SLCO3A1: variants seen among roughly 807,000 people sequenced by gnomAD.
The protein encoded by SLCO3A1 is solute carrier organic anion transporter family member 3A1, also known as PGE1 transporter.
A neutral mutation model predicts 63.1 loss-of-function variants in SLCO3A1; 27 were observed. The ratio of observed to expected loss-of-function variants is 0.43; its 90% CI spans 0.32 to 0.59. The LOEUF (loss-of-function observed/expected upper bound fraction) is 0.59. SLCO3A1 is among the 20% of genes least tolerant of loss of function. The pLI, the probability that SLCO3A1 is intolerant of heterozygous loss-of-function variation, is 0.09. For synonymous variants in SLCO3A1, 473 were observed against 409.9 expected (o/e 1.15, Z -1.86); for missense variants, 773 against 945.8 (o/e 0.82, Z 2.40).
intron 2 of SLCO3A1, among the ~76,000 whole-genome samples, chr15:92,023,572 G>A (rs377257056): frequency 6.1e-4 from 92 of 152,008 alleles, no homozygotes; most frequent in African/African-American, 1.7e-3. Context: ...GGGTTCAGGC[G>A]ATTATCCTGC....
At chr15:92,049,235 G>A (rs1365804661) in intron 2 of SLCO3A1, among the ~76,000 whole-genome samples, 1 of 152,116 alleles carries the variant, frequency 6.6e-6, no homozygotes, top group Non-Finnish European at 1.5e-5. Context: ...TACCCTCCCT[G>A]CTTTAGCTTC....
intron 7 of SLCO3A1, among the ~76,000 whole-genome samples, chr15:92,144,896 G>C (rs1174293583): frequency 6.6e-6 from 1 of 152,186 alleles, no homozygotes; most frequent in Non-Finnish European, 1.5e-5. Flanking sequence ...ATTTGGGAGA[G>C]ATGTGATCAA....
At position 92,164,995 on chromosome 15, in the gene SLCO3A1, C is replaced by A; in HGVS notation, c.*1860C>A. On this transcript the variant is annotated 3_prime_UTR_variant, in exon 10 of 10. Transcript: ENST00000318445. Reference sequence around the variant, plus strand: ...GATTGGTTTGCTTTTTCACCTTGGACACATTTGCATTTTACCCACAAGGCA... The same window carrying A: ...GATTGGTTTGCTTTTTCACCTTGGAAACATTTGCATTTTACCCACAAGGCA... 1.0e-6 allele frequency: 1 copy of A among 985,336 alleles called. No homozygotes were observed. The highest frequency in any genetic ancestry group is 1.2e-6 in the Non-Finnish European group (1 of 829,910). 61.0% of individuals were successfully genotyped at this position (985,336 alleles called of 1,614,324 possible). A position where few individuals can be genotyped will look rare whatever the true frequency, so the allele number is the denominator to read the frequency against.
At chr15:92,082,226 A>G (rs1026639817) in intron 2 of SLCO3A1, among the ~76,000 whole-genome samples, 1 of 152,174 alleles carries the variant, frequency 6.6e-6, no homozygotes, top group African/African-American at 2.4e-5. Context: ...TTTATGGATC[A>G]TGTTTTATTC....
Position 92,033,911 on chromosome 15 carries a change from C to T in SLCO3A1, c.647-60970C>T, listed in dbSNP as rs764121731. On this transcript the variant is annotated intron_variant, in intron 2 of 9. Transcript: ENST00000318445. The surrounding 1 kb of genome is among the most constrained non-coding windows in gnomAD (Gnocchi z 4.5). ...GCTTATTAGGGCTGGAGCAGGCTGG[C>T]GTTGATGAGCTGGGAGCAGGCGCAT... 6.6e-6 allele frequency among the ~76,000 whole-genome samples: 1 copy of T among 150,452 alleles called. No individual in the cohort carries two copies. The highest frequency in any genetic ancestry group is 2.4e-5 in the African/African-American group (1 of 40,826).
Position 91,915,995 on chromosome 15 carries a change from G to A in SLCO3A1, c.183G>A (p.Val61=), listed in dbSNP as rs200568452. 3.1e-4 allele frequency: 492 copies of A among 1,611,076 alleles called. No homozygotes were observed. The highest frequency in any genetic ancestry group is 4.0e-4 in the Non-Finnish European group (475 of 1,179,048). Residue 61 remains valine, a splice_region_variant and synonymous_variant, in exon 2 of 10, where the codon GTG becomes GTA. Transcript: ENST00000318445. The part of the protein sequence containing the change: ...LAQGTVGAYL[V]SVLTTLERRF... Reference sequence around the variant, plus strand: ...ACCTTTCTTCTTGCCCCCCTCAGGTGAGCGTCCTGACCACCCTGGAGCGTA... The same window carrying A: ...ACCTTTCTTCTTGCCCCCCTCAGGTAAGCGTCCTGACCACCCTGGAGCGTA...
At chr15:91,915,681 C>G (rs938708492) in intron 1 of SLCO3A1, among the ~76,000 whole-genome samples, 3 of 151,952 alleles carry the variant, frequency 2.0e-5, no homozygotes, top group African/African-American at 4.8e-5. Flanking sequence ...TGGTGGAGGT[C>G]TGTGGGGGTG....
At position 91,900,147 on chromosome 15, in the gene SLCO3A1, A is replaced by G. The variant is rs539538647; in HGVS notation, c.181-15846A>G. ...ATAAATGTGTGTTTTTAATTCTCTTAGGTAGATACCTGGGAGTAGAATTAC... is the reference window on the plus strand; with the variant it reads ...ATAAATGTGTGTTTTTAATTCTCTTGGGTAGATACCTGGGAGTAGAATTAC... On this transcript the variant is annotated intron_variant, in intron 1 of 9. Coordinates refer to ENST00000318445, the MANE Select transcript of SLCO3A1 (RefSeq NM_013272.4). The surrounding 1 kb of genome is among the most constrained non-coding windows in gnomAD (Gnocchi z 4.3). Among the ~76,000 whole-genome samples the G allele has an allele frequency of 2.0e-5, 3 of 152,340 alleles. No individual in the cohort carries two copies. In the South Asian group the frequency reaches 6.2e-4, roughly 32 times the overall value.
At chr15:92,028,264 G>C (rs1312696104) in intron 2 of SLCO3A1, among the ~76,000 whole-genome samples, 1 of 152,038 alleles carries the variant, frequency 6.6e-6, no homozygotes, top group Non-Finnish European at 1.5e-5. Flanking sequence ...CCCCAGCCAG[G>C]GGATGGTTGA....
At chr15:92,012,991 C>G (rs912984186) in intron 2 of SLCO3A1, among the ~76,000 whole-genome samples, 10 of 152,210 alleles carry the variant, frequency 6.6e-5, no homozygotes, top group African/African-American at 2.4e-4. Context: ...TTAAAAGACC[C>G]TGCGTCACAC....
rs764945390 is a variant in SLCO3A1 at position 91,886,375 on chromosome 15, C to T, written c.181-29618C>T. The stretch of plus-strand genomic sequence containing the variant: ...CCTCCTTTTAGGCAAGAGCTGCCTC[C>T]TATGAGCCCCTGGCCCGCTGCACCT... On this transcript the variant is annotated intron_variant, in intron 1 of 9. Transcript: ENST00000318445. The surrounding 1 kb of genome is among the most constrained non-coding windows in gnomAD (Gnocchi z 4.9). Among the ~76,000 whole-genome samples, 12 of 152,146 alleles carry T rather than the reference C, an allele frequency of 7.9e-5. No homozygotes were observed. The highest frequency in any genetic ancestry group is 1.6e-4 in the Non-Finnish European group (11 of 68,016).
intron 2 of SLCO3A1, among the ~76,000 whole-genome samples, chr15:92,005,460 A>C (rs747911478): frequency 1.3e-5 from 2 of 152,208 alleles, no homozygotes; most frequent in African/African-American, 2.4e-5. Context: ...AGTTGGACTC[A>C]TGCTGGGTCT....
chr15:91,919,732 C>T (rs1898780874), intron 2 of SLCO3A1, among the ~76,000 whole-genome samples: 1 of 151,856 alleles, frequency 6.6e-6, no homozygotes, highest in Admixed American at 6.6e-5. Flanking sequence ...AATGGGCTTA[C>T]TGTGCCCTTT....
intron 2 of SLCO3A1, among the ~76,000 whole-genome samples, chr15:92,020,920 G>A (rs975329904): frequency 6.6e-6 from 1 of 152,194 alleles, no homozygotes; most frequent in African/African-American, 2.4e-5. Context: ...AGTGAATTTA[G>A]TAATAGTGTA....
rs1287522406 is a variant in SLCO3A1 at position 92,150,930 on chromosome 15, C to A, written c.1689-20C>A. ...GATAAAAATCTGGTTTTTTTTTTCT[C>A]TTCATCTCTTTGCACGTAGGACAGT... On this transcript the variant is annotated intron_variant, in intron 8 of 9. Coordinates refer to ENST00000318445, the MANE Select transcript of SLCO3A1 (RefSeq NM_013272.4). 1 of 1,574,776 alleles carries A rather than the reference C, an allele frequency of 6.4e-7. No homozygotes were observed. The highest frequency in any genetic ancestry group is 8.6e-7 in the Non-Finnish European group (1 of 1,161,224).
chr15:91,976,296 C>G (rs1227152539), intron 2 of SLCO3A1, among the ~76,000 whole-genome samples: 1 of 152,142 alleles, frequency 6.6e-6, no homozygotes, highest in Non-Finnish European at 1.5e-5. Context: ...ATTGACCATG[C>G]ATTGAAATGA....
intron 2 of SLCO3A1, among the ~76,000 whole-genome samples, chr15:92,015,795 A>G (rs1299775156): frequency 6.6e-6 from 1 of 152,070 alleles, no homozygotes; most frequent in Non-Finnish European, 1.5e-5. Context: ...CCAGGCTCTG[A>G]CCCCATTTGC....
At chr15:92,016,435 G>C (rs987460786) in intron 2 of SLCO3A1, among the ~76,000 whole-genome samples, 2 of 152,048 alleles carry the variant, frequency 1.3e-5, no homozygotes, top group African/African-American at 2.4e-5. Flanking sequence ...TTATAGACTT[G>C]AGCCACTGAG....
intron 2 of SLCO3A1, among the ~76,000 whole-genome samples, chr15:92,068,297 G>A (rs1282551091): frequency 1.3e-5 from 2 of 152,148 alleles, no homozygotes; most frequent in Non-Finnish European, 2.9e-5. Context: ...CTCTCAGATT[G>A]CAAACCACGT....
Sources: allele counts gnomAD v4.1 joint callset (sites outside exome capture counted in the v4.1 genomes callset), GRCh38; gene constraint gnomAD v4.1.1; non-coding constraint Gnocchi (gnomAD v3.1); transcripts MANE v1.5; gene names NCBI Gene and HGNC (gene_info 2026-07-23, HGNC 2026-07-21).